Variants in RBFOX2 observed in about 807,000 individuals in gnomAD.
RBFOX2 encodes the protein RNA binding fox-1 homolog 2.
A neutral mutation model predicts 49.1 loss-of-function variants in RBFOX2; 10 were observed. The ratio of observed to expected loss-of-function variants is 0.20; its 90% CI spans 0.13 to 0.35. RBFOX2 has a LOEUF of 0.35. RBFOX2 is among the 10% of genes least tolerant of loss of function. RBFOX2 has a pLI of 1.00. For missense variants in RBFOX2, 323 were observed against 486.9 expected, an observed-to-expected ratio of 0.66 and a Z score of 3.17; for synonymous variants, 183 against 187.4, an observed-to-expected ratio of 0.98 and a Z score of 0.19.
At position 35,784,351 on chromosome 22, in the gene RBFOX2, A is replaced by G. The variant is rs142157800; in HGVS notation, c.253-2605T>C. On this transcript the variant is annotated intron_variant, in intron 2 of 11. Coordinates refer to ENST00000405409, the Ensembl canonical transcript of RBFOX2. ...TCTGGAAAAGTGTAACAATAAGGCA[A>G]GAACTCAGGTTCCCACGGAGAGGCA... 9.5e-3 allele frequency among the ~76,000 whole-genome samples: 1,451 copies of G among 152,336 alleles called. 7 individuals are homozygous for G. The highest frequency in any genetic ancestry group is 0.015 in the Non-Finnish European group (1,011 of 68,024).
At chr22:35,782,025 C>T (rs1945255614) in intron 2 of RBFOX2, among the ~76,000 whole-genome samples, 2 of 152,144 alleles carry the variant, frequency 1.3e-5, no homozygotes, top group Admixed American at 6.5e-5. Flanking sequence ...AAGTGACTTG[C>T]CCAAGATCAC....
intron 1 of RBFOX2, among the ~76,000 whole-genome samples, chr22:35,877,536 A>C (rs150893395): frequency 4.0e-4 from 61 of 152,342 alleles, no homozygotes; most frequent in African/African-American, 1.4e-3. Flanking sequence ...GGTAACAATC[A>C]TAACTAACAT....
intron 1 of RBFOX2, among the ~76,000 whole-genome samples, chr22:35,850,662 C>T (rs1237621525): frequency 6.6e-6 from 1 of 152,150 alleles, no homozygotes; most frequent in Non-Finnish European, 1.5e-5. Context: ...TACACATGTG[C>T]ACACATATTT....
intron 4 of RBFOX2, 92 bp downstream of exon 5, chr22:35,777,932 GA>G (rs1470886281): frequency 1.5e-6 from 2 of 1,314,354 alleles, no homozygotes; most frequent in Non-Finnish European, 2.1e-6. Flanking sequence ...ATGCAGGCTT[GA>G]AAACAGCTTA....
chr22:35,824,018 G>A (rs566937208), intron 1 of RBFOX2, among the ~76,000 whole-genome samples: 17 of 152,068 alleles, frequency 1.1e-4, no homozygotes, highest in African/African-American at 2.9e-4. Flanking sequence ...GTGTGGTGGC[G>A]CACACCTGTA....
chr22:35,859,579 G>T (rs979813644), intron 1 of RBFOX2, among the ~76,000 whole-genome samples: 1 of 152,188 alleles, frequency 6.6e-6, no homozygotes, highest in Non-Finnish European at 1.5e-5. Flanking sequence ...AGGAAGTATG[G>T]GTAATAACAG....
intron 1 of RBFOX2, among the ~76,000 whole-genome samples, chr22:36,014,553 C>G (rs1045001831): frequency 6.6e-6 from 1 of 152,146 alleles, no homozygotes; most frequent in Admixed American, 6.5e-5. Flanking sequence ...GTATTTACTA[C>G]TTGCTTCTAA....
At chr22:35,917,469 T>C (rs1394534113) in intron 1 of RBFOX2, among the ~76,000 whole-genome samples, 1 of 152,204 alleles carries the variant, frequency 6.6e-6, no homozygotes, top group African/African-American at 2.4e-5. Flanking sequence ...TCTTTTCTCT[T>C]CACATTATGC....
At chr22:35,833,867 G>A (rs1410302940) in intron 1 of RBFOX2, among the ~76,000 whole-genome samples, 2 of 151,954 alleles carry the variant, frequency 1.3e-5, no homozygotes, top group Non-Finnish European at 2.9e-5. Context: ...AATGCTTAAT[G>A]CACAGTATGT....
intron 1 of RBFOX2, among the ~76,000 whole-genome samples, chr22:35,883,485 T>C (rs769084898): frequency 1.2e-4 from 19 of 152,326 alleles, no homozygotes; most frequent in Middle Eastern, 6.8e-3. Flanking sequence ...CAGTCTTGGC[T>C]TTATCTTTAG....
intron 9 of RBFOX2, among the ~76,000 whole-genome samples, chr22:35,756,478 T>C (rs537160885): frequency 2.6e-5 from 4 of 152,266 alleles, no homozygotes; most frequent in South Asian, 2.1e-4. Flanking sequence ...GGAAATAACT[T>C]TTTGTATATG....
At chr22:35,773,260 G>C (rs1041874269) in intron 4 of RBFOX2, among the ~76,000 whole-genome samples, 2 of 151,896 alleles carry the variant, frequency 1.3e-5, no homozygotes, top group Non-Finnish European at 2.9e-5. Flanking sequence ...CATGATAATA[G>C]GGAAAACATT....
At chr22:36,023,833 C>T (rs888913965) in intron 1 of RBFOX2, among the ~76,000 whole-genome samples, 2 of 152,150 alleles carry the variant, frequency 1.3e-5, no homozygotes, top group Admixed American at 1.3e-4. Context: ...CTGTATACTG[C>T]CTTTGAAAGC....
chr22:35,913,155 A>G (rs1050177883), intron 1 of RBFOX2, among the ~76,000 whole-genome samples: 1 of 152,110 alleles, frequency 6.6e-6, no homozygotes, highest in Non-Finnish European at 1.5e-5. Flanking sequence ...CTCACCTTTA[A>G]AAAGCTATTT....
intron 2 of RBFOX2, among the ~76,000 whole-genome samples, chr22:35,804,946 C>T (rs945315601): frequency 1.3e-5 from 2 of 152,046 alleles, no homozygotes; most frequent in Non-Finnish European, 2.9e-5. Flanking sequence ...CCAAAATATA[C>T]AAAGAATTCT....
intron 4 of RBFOX2, among the ~76,000 whole-genome samples, chr22:35,775,713 C>T (rs1019777700): frequency 2.0e-5 from 3 of 151,578 alleles, no homozygotes; most frequent in Non-Finnish European, 2.9e-5. Flanking sequence ...TGGTAGTGTG[C>T]GCCTGTTATC....
intron 3 of RBFOX2, among the ~76,000 whole-genome samples, chr22:35,779,744 A>G (rs1193125648): frequency 1.3e-5 from 2 of 152,214 alleles, no homozygotes; most frequent in African/African-American, 4.8e-5. Flanking sequence ...CTCTTTACCA[A>G]CGTTACTGTT....
chr22:35,949,252 C>T (rs1215328003), intron 1 of RBFOX2, among the ~76,000 whole-genome samples: 6 of 152,170 alleles, frequency 3.9e-5, no homozygotes, highest in Non-Finnish European at 8.8e-5. Flanking sequence ...ATATGTGGTA[C>T]GTAAAAATCA....
intron 1 of RBFOX2, among the ~76,000 whole-genome samples, chr22:35,910,892 A>G (rs1299858382): frequency 6.6e-6 from 1 of 152,236 alleles, no homozygotes; most frequent in African/African-American, 2.4e-5. Flanking sequence ...GCCAAACTCT[A>G]TAAACTTATT....
Sources: allele counts gnomAD v4.1 joint callset (sites outside exome capture counted in the v4.1 genomes callset), GRCh38; gene constraint gnomAD v4.1.1; transcripts MANE v1.5; gene names NCBI Gene and HGNC (gene_info 2026-07-23, HGNC 2026-07-21).